ARID4A: variants seen among roughly 807,000 people sequenced by gnomAD.
ARID4A encodes AT-rich interaction domain 4A.
ARID4A carries 39 observed loss-of-function variants against 148.6 expected under a neutral mutation model. That is an observed-to-expected ratio of 0.26 (90% CI 0.20 to 0.34). ARID4A has a LOEUF of 0.34. Among genes scored for constraint, ARID4A ranks in the 10% least tolerant of loss-of-function variants. ARID4A has a pLI of 1.00. For synonymous variants in ARID4A, 475 were observed against 481.2 expected, an observed-to-expected ratio of 0.99 and a Z score of 0.17; for missense variants, 1,265 against 1,449.1, an observed-to-expected ratio of 0.87 and a Z score of 2.06.
At chr14:58,314,154 C>CTATTATAATAATA (rs1407467144) in intron 5 of ARID4A, among the ~76,000 whole-genome samples, 1 of 152,198 alleles carries the variant, frequency 6.6e-6, no homozygotes, top group East Asian at 1.9e-4. Context: ...TAAGACATTT[C>CTATTATAATAATA]ATAGAATTAT....
intron 11 of ARID4A, among the ~76,000 whole-genome samples, chr14:58,331,999 C>T (rs932418807): frequency 7.0e-6 from 1 of 142,472 alleles, no homozygotes; most frequent in Non-Finnish European, 1.5e-5. Context: ...TTCCCTACCC[C>T]CCCCCCCCCA....
chr14:58,351,007 T>A, intron 15 of ARID4A, 66 bp from the exon 16 acceptor site: 1 of 1,481,120 alleles, frequency 6.8e-7, no homozygotes, highest in South Asian at 1.4e-5. Flanking sequence ...AAGGAAAAGA[T>A]ATTTTTTCCT....
At chr14:58,306,222 T>A in intron 5 of ARID4A, 110 bp downstream of exon 5, 1 of 804,168 alleles carries the variant, frequency 1.2e-6, no homozygotes, top group Non-Finnish European at 2.0e-6. Context: ...TTATTTCCTG[T>A]CAGTTTACTG....
intron 11 of ARID4A, among the ~76,000 whole-genome samples, chr14:58,333,686 A>T (rs1338597029): frequency 1.3e-5 from 2 of 152,116 alleles, no homozygotes; most frequent in Admixed American, 6.5e-5. Context: ...TTGTTTACTC[A>T]TGGAAACATG....
In ARID4A at chr14:58,364,388, C is replaced by G. The variant is rs2035261848; in HGVS notation, c.2299C>G (p.Gln767Glu). The G allele has an allele frequency of 6.2e-7, 1 of 1,606,778 alleles. No homozygotes were observed. Among genetic ancestry groups the G allele is most frequent in the African/African-American group, 1.3e-5 (1 of 74,200 alleles). ...GAAGTTAGAAGTTGGAGAGAATGAA[C>G]AAATAGTACAGATTTTTGGGAACAA... Reference protein sequence around the residue: ...TLKLEVGENEQIVQIFGNKME... With the variant: ...TLKLEVGENEEIVQIFGNKME... The change falls in exon 20 of 24, where the codon CAA (glutamine) becomes GAA (glutamate). Residue 767 changes from glutamine to glutamate, a missense_variant. Gln to Glu is a conservative substitution (Grantham distance 29). Coordinates refer to ENST00000355431, the MANE Select transcript of ARID4A (RefSeq NM_002892.4).
chr14:58,302,501 TA>T (rs200235822), intron 3 of ARID4A, among the ~76,000 whole-genome samples: 2,194 of 149,846 alleles, frequency 0.015, 20 homozygotes, highest in Non-Finnish European at 0.024. Context: ...CTCCAAAAAA[TA>T]AAAAAATTAA....
intron 16 of ARID4A, 24 bp downstream of exon 16, chr14:58,351,347 C>T: frequency 6.3e-7 from 1 of 1,578,388 alleles, no homozygotes; most frequent in Non-Finnish European, 8.5e-7. Flanking sequence ...TGTTTGTTCT[C>T]CAGAAGCACC....
intron 5 of ARID4A, among the ~76,000 whole-genome samples, chr14:58,315,528 A>ATG (rs1253455430): frequency 2.6e-5 from 4 of 152,158 alleles, no homozygotes; most frequent in Admixed American, 1.3e-4. Context: ...CTCCATTTAA[A>ATG]TGTGTGTGTG....
intron 23 of ARID4A, among the ~76,000 whole-genome samples, chr14:58,370,783 G>GA (rs1555366787): frequency 6.7e-6 from 1 of 148,492 alleles, no homozygotes; most frequent in Non-Finnish European, 1.5e-5. Flanking sequence ...TAATTTTTTA[G>GA]TTTTTTTTGT....
At chr14:58,339,283 T>G (rs991993158) in intron 11 of ARID4A, among the ~76,000 whole-genome samples, 1 of 152,002 alleles carries the variant, frequency 6.6e-6, no homozygotes, top group African/African-American at 2.4e-5. Flanking sequence ...GACCAAAAAT[T>G]TTAAGGGATT....
intron 3 of ARID4A, among the ~76,000 whole-genome samples, chr14:58,304,476 G>C (rs1460535074): frequency 6.6e-6 from 1 of 152,174 alleles, no homozygotes; most frequent in Non-Finnish European, 1.5e-5. Flanking sequence ...GGGAGCACTT[G>C]TTTGTATCAG....
chr14:58,353,312 G>A (rs1335220959), intron 16 of ARID4A: 2 of 171,124 alleles, frequency 1.2e-5, no homozygotes, highest in Non-Finnish European at 1.2e-5. Flanking sequence ...ACAGATCATC[G>A]TTAGCTGGCA....
intron 15 of ARID4A, among the ~76,000 whole-genome samples, chr14:58,349,397 A>G (rs1210491863): frequency 2.0e-5 from 3 of 152,078 alleles, no homozygotes; most frequent in African/African-American, 7.2e-5. Flanking sequence ...CTGTAATCCC[A>G]GCACTTTGGG....
chr14:58,328,540 G>GT (rs76707430), intron 9 of ARID4A, among the ~76,000 whole-genome samples: 105 of 147,164 alleles, frequency 7.1e-4, no homozygotes, highest in East Asian at 2.0e-3. Context: ...ATTAAGAACA[G>GT]TTTTTTTTTT....
intron 16 of ARID4A, among the ~76,000 whole-genome samples, chr14:58,351,915 A>C (rs2034656778): frequency 6.6e-6 from 1 of 152,168 alleles, no homozygotes; most frequent in Non-Finnish European, 1.5e-5. Flanking sequence ...GTATTAGACA[A>C]GTATGGACTG....
intron 23 of ARID4A, among the ~76,000 whole-genome samples, chr14:58,367,945 C>T (rs747432741): frequency 4.6e-5 from 7 of 152,090 alleles, no homozygotes; most frequent in Non-Finnish European, 8.8e-5. Flanking sequence ...CCAATTAATA[C>T]CATGTAACCC....
At chr14:58,361,456 G>T (rs1008835827) in intron 19 of ARID4A, among the ~76,000 whole-genome samples, 2 of 152,180 alleles carry the variant, frequency 1.3e-5, no homozygotes, top group Non-Finnish European at 2.9e-5. Flanking sequence ...AACAGTCTGT[G>T]ATTGTTTGGC....
chr14:58,325,854 G>A (rs1361483253), intron 8 of ARID4A, among the ~76,000 whole-genome samples: 4 of 151,520 alleles, frequency 2.6e-5, no homozygotes, highest in Non-Finnish European at 4.4e-5. Flanking sequence ...GGTTTGCCAA[G>A]AGTTTTTTTT....
rs1165048573 is a variant in ARID4A at position 58,366,994 on chromosome 14, G to A, written c.3635G>A (p.Arg1212Lys). ...SLKSEVATID[R>K]RRKRLKKKDR... ...AAGTCTGAAGTTGCAACCATAGACA[G>A]GAGGAGAAAAAGATTAAAAAAGAAA... The change falls in exon 23 of 24, where the codon AGG becomes AAG. Residue 1212 changes from arginine to lysine, a missense_variant. By Grantham distance (26) the Arg-to-Lys change is conservative. Coordinates refer to ENST00000355431, the MANE Select transcript of ARID4A (RefSeq NM_002892.4). 1 of 1,505,440 alleles carries A rather than the reference G, an allele frequency of 6.6e-7. No individual in the cohort carries two copies. The highest frequency in any genetic ancestry group is 8.8e-7 in the Non-Finnish European group (1 of 1,137,212). The allele number at this position is 1,505,440 out of a possible 1,614,324, so 93.3% of individuals were successfully genotyped here.
Sources: gnomAD v4.1 joint callset for allele counts (sites outside exome capture counted in the v4.1 genomes callset) on GRCh38, gnomAD v4.1.1 for gene constraint, MANE v1.5 for transcripts, NCBI Gene and HGNC (gene_info 2026-07-23, HGNC 2026-07-21) for gene names.